Variants in PCMTD2 observed in about 807,000 individuals in gnomAD.
PCMTD2 encodes the protein protein-L-isoaspartate O-methyltransferase domain-containing protein 2.
A neutral mutation model predicts 33.4 loss-of-function variants in PCMTD2; 16 were observed. That is an observed-to-expected ratio of 0.48 (90% CI 0.32 to 0.73). The LOEUF is 0.73. Ranked by LOEUF, PCMTD2 falls within the 30% of genes least tolerant of loss-of-function variation. The pLI, the probability that PCMTD2 is intolerant of heterozygous loss-of-function variation, is 0.03. For synonymous variants in PCMTD2, 161 were observed against 160.8 expected (o/e 1.00, Z -0.01); for missense variants, 374 against 449.9 (o/e 0.83, Z 1.53).
chr20:64,269,656 G>T (rs1354992788), intron 5 of PCMTD2, among the ~76,000 whole-genome samples: 6 of 151,782 alleles, frequency 4.0e-5, no homozygotes, highest in Non-Finnish European at 8.8e-5. Context: ...GTGGTGTGGG[G>T]TGTGTAAGTT....
intron 4 of PCMTD2, among the ~76,000 whole-genome samples, chr20:64,266,622 C>T (rs1297195257): frequency 6.6e-6 from 1 of 152,218 alleles, no homozygotes; most frequent in Non-Finnish European, 1.5e-5. Context: ...CTCCTGGCCT[C>T]AAGCAATTGC....
At chr20:64,268,154 T>TTGTTTTATAAC in intron 5 of PCMTD2, 144 bp downstream of exon 5, 1 of 587,450 alleles carries the variant, frequency 1.7e-6, no homozygotes, top group Admixed American at 3.2e-5. Context: ...TACAAGCAAT[T>TTGTTTTATAAC]TCAGGCATTA....
chr20:64,264,099 A>T (rs1985551320), intron 2 of PCMTD2, among the ~76,000 whole-genome samples: 1 of 152,240 alleles, frequency 6.6e-6, no homozygotes, highest in Non-Finnish European at 1.5e-5. Flanking sequence ...GGAAAACAGA[A>T]TCGTCTTAAA....
At chr20:64,273,103 G>T in intron 5 of PCMTD2, 118 bp from the exon 6 acceptor site, 1 of 777,288 alleles carries the variant, frequency 1.3e-6, no homozygotes, top group Non-Finnish European at 2.1e-6. Context: ...TCATATTCTT[G>T]TAACATATTC....
chr20:64,260,122 G>C lies in PCMTD2; in HGVS notation c.157G>C (p.Asp53His). Reference sequence around the variant, plus strand: ...AGAATTTAAAGAAAATGCTTATAAAGACTTGGCATGGAAGCATGGAAACAT... The same window carrying C: ...AGAATTTAAAGAAAATGCTTATAAACACTTGGCATGGAAGCATGGAAACAT... ...LEEFKENAYK[D>H]LAWKHGNIHL... Residue 53 changes from aspartate to histidine, a missense_variant, in exon 2 of 6, where the codon GAC becomes CAC. Asp to His is a moderately conservative substitution (Grantham distance 81). Transcript: ENST00000308824. 1 of 1,613,970 alleles carries C rather than the reference G, an allele frequency of 6.2e-7. No individual in the cohort carries two copies. Among genetic ancestry groups the C allele is most frequent in the Non-Finnish European group, 8.5e-7 (1 of 1,179,836 alleles).
intron 2 of PCMTD2, among the ~76,000 whole-genome samples, chr20:64,263,479 C>T (rs953551200): frequency 6.6e-6 from 1 of 152,116 alleles, no homozygotes; most frequent in Non-Finnish European, 1.5e-5. Context: ...TTGTAGGGTC[C>T]AGTGCTACAT....
Position 64,273,660 on chromosome 20 carries a change from G to A in PCMTD2, c.*60G>A. The A allele has an allele frequency of 6.9e-7, 1 of 1,455,348 alleles. No individual in the cohort carries two copies. The highest frequency in any genetic ancestry group is 1.4e-5 in the South Asian group (1 of 70,034). 90.2% of individuals were successfully genotyped at this position (1,455,348 alleles called of 1,614,324 possible). A position where few individuals can be genotyped will look rare whatever the true frequency, so the allele number is the denominator to read the frequency against. On this transcript the variant is annotated 3_prime_UTR_variant, in exon 6 of 6. Coordinates refer to ENST00000308824, the MANE Select transcript of PCMTD2 (RefSeq NM_018257.3). ...GATTGCTGAGTGTGAAGTTCGTGCT[G>A]CCTGTGTGCTGTTGAAGGGTCACCT...
chr20:64,272,873 A>G (rs1488234877), intron 5 of PCMTD2, among the ~76,000 whole-genome samples: 1 of 152,222 alleles, frequency 6.6e-6, no homozygotes, highest in East Asian at 1.9e-4. Context: ...GTGGGTATTA[A>G]TATACACATG....
intron 5 of PCMTD2, chr20:64,272,088 G>C (rs1173232918): frequency 2.3e-6 from 1 of 426,010 alleles, no homozygotes; most frequent in Non-Finnish European, 4.7e-6. Context: ...GGGACCTCTT[G>C]TCTGTGGAGT....
intron 4 of PCMTD2, among the ~76,000 whole-genome samples, chr20:64,266,832 A>G (rs974524641): frequency 4.6e-5 from 7 of 152,240 alleles, no homozygotes; most frequent in Non-Finnish European, 1.0e-4. Context: ...TATCTAGAAT[A>G]TGAAATAGGG....
intron 2 of PCMTD2, among the ~76,000 whole-genome samples, chr20:64,263,154 T>A (rs1020624160): frequency 3.3e-5 from 5 of 152,202 alleles, no homozygotes; most frequent in Admixed American, 2.0e-4. Flanking sequence ...TCAAGCGCTA[T>A]TTTTGGTCTC....
intron 5 of PCMTD2, among the ~76,000 whole-genome samples, chr20:64,269,112 A>G (rs943870806): frequency 2.6e-5 from 4 of 152,234 alleles, no homozygotes; most frequent in African/African-American, 9.6e-5. Context: ...TGGGTTTATC[A>G]TGTAGGCTGG....
At position 64,259,922 on chromosome 20, in the gene PCMTD2, T is replaced by C; in HGVS notation, c.-24-20T>C. 7.6e-7 allele frequency: 1 copy of C among 1,321,216 alleles called. No individual in the cohort carries two copies. The highest frequency in any genetic ancestry group is 1.1e-6 in the Non-Finnish European group (1 of 929,610). 81.8% of individuals were successfully genotyped at this position (1,321,216 alleles called of 1,614,324 possible). On this transcript the variant is annotated intron_variant, in intron 1 of 5. Transcript: ENST00000308824. ...TTACCTTTAACATAAATCGCTCTTTTTAAACATTTTTAATTATAGTATTGC... is the reference window on the plus strand; with the variant it reads ...TTACCTTTAACATAAATCGCTCTTTCTAAACATTTTTAATTATAGTATTGC...
rs1223334470 is a variant in PCMTD2 at position 64,273,906 on chromosome 20, T to C, written c.*306T>C. 2 of 257,622 alleles carry C rather than the reference T, an allele frequency of 7.8e-6. No homozygotes were observed. Among genetic ancestry groups the C allele is most frequent in the Non-Finnish European group, 7.4e-6 (1 of 135,820 alleles). 16.0% of individuals were successfully genotyped at this position (257,622 alleles called of 1,614,324 possible). A position where few individuals can be genotyped will look rare whatever the true frequency, so the allele number is the denominator to read the frequency against. ...TTTCGGCTCTGACGAAACACTGAAG[T>C]CTGCGTAAGAGAGACTGTTTGATGA... On this transcript the variant is annotated 3_prime_UTR_variant, in exon 6 of 6. Transcript: ENST00000308824.
rs541757968 is a variant in PCMTD2 at position 64,260,085 on chromosome 20, C to T, written c.120C>T (p.Asp40=). Residue 40 remains aspartate, a synonymous_variant, in exon 2 of 6, where the codon GAC becomes GAT. Transcript: ENST00000308824. ...CTTTCAGAGCTATCGATCGTGCAGACTATTATCTTGAAGAATTTAAAGAAA... is the reference window on the plus strand; with the variant it reads ...CTTTCAGAGCTATCGATCGTGCAGATTATTATCTTGAAGAATTTAAAGAAA... ...EQAFRAIDRA[D]YYLEEFKENA... is the part of the protein sequence containing the mutation. 3.5e-5 allele frequency: 57 copies of T among 1,612,760 alleles called. No individual in the cohort carries two copies. In the South Asian group the frequency reaches 4.6e-4, roughly 13 times the overall value.
At chr20:64,266,751 G>C (rs1004215070) in intron 4 of PCMTD2, among the ~76,000 whole-genome samples, 6 of 152,176 alleles carry the variant, frequency 3.9e-5, no homozygotes, top group African/African-American at 9.6e-5. Flanking sequence ...AAATGCATTG[G>C]ATTTTTTATT....
rs1440773758 is a variant in PCMTD2 at position 64,264,479 on chromosome 20, T to TA, written c.359dup (p.Tyr120Ter). The change falls in exon 3 of 6, where the codon TAT becomes TAAT. Residue 120 changes from tyrosine (Y) to a stop codon, truncating the protein, a stop_gained and frameshift_variant. Coordinates refer to ENST00000308824, the MANE Select transcript of PCMTD2 (RefSeq NM_018257.3). LOFTEE classifies it high-confidence loss of function. ...GVELHSDVIE[Y>*]AKQKLDFFIR... ...GGAACTTCACTCAGATGTGATAGAG[T>TA]ATGCAAAGCAGAAACTGGACTTCTT... is the stretch of plus-strand genomic sequence containing the variant. The TA allele has an allele frequency of 6.2e-7, 1 of 1,607,872 alleles. No homozygotes were observed. Among genetic ancestry groups the TA allele is most frequent in the African/African-American group, 1.3e-5 (1 of 74,780 alleles).
intron 1 of PCMTD2, among the ~76,000 whole-genome samples, chr20:64,256,429 C>T (rs1007503942): frequency 7.9e-5 from 12 of 152,156 alleles, no homozygotes; most frequent in African/African-American, 2.4e-4. Flanking sequence ...AGGGACGTGT[C>T]TCCTAAATGA....
chr20:64,272,208 C>T (rs1568738012), intron 5 of PCMTD2: 1 of 504,924 alleles, frequency 2.0e-6, no homozygotes, highest in Admixed American at 2.3e-5. Context: ...TGCTGAGATT[C>T]TGTGCAGGCC....
Sources: allele counts gnomAD v4.1 joint callset (sites outside exome capture counted in the v4.1 genomes callset), GRCh38; gene constraint gnomAD v4.1.1; transcripts MANE v1.5; gene names NCBI Gene and HGNC (gene_info 2026-07-23, HGNC 2026-07-21).